The following INTS1 variants were observed in gnomAD, a reference collection of about 807,000 sequenced individuals.
INTS1 encodes the protein integrator complex subunit 1.
Under a neutral mutation model 241.6 loss-of-function variants are expected in INTS1, and 137 were observed. The observed-to-expected ratio is 0.57, with a 90% confidence interval of 0.49 to 0.65. INTS1 has a LOEUF of 0.65. Among genes scored for constraint, INTS1 ranks in the 30% least tolerant of loss-of-function variants. The pLI is 0.00. For synonymous variants in INTS1, 1,692 were observed against 1,337.8 expected, an observed-to-expected ratio of 1.26 and a Z score of -5.78; for missense variants, 3,073 against 3,032.2, an observed-to-expected ratio of 1.01 and a Z score of -0.32.
intron 33 of INTS1, 35 bp downstream of exon 33, chr7:1,478,331 C>T (rs751527951): frequency 1.0e-5 from 16 of 1,605,628 alleles, no homozygotes; most frequent in South Asian, 4.4e-5. Flanking sequence ...TTCCCAGGGC[C>T]GCCGTGGCCC....
intron 32 of INTS1, 23 bp from the exon 33 acceptor site, chr7:1,478,529 C>A (rs946736558): frequency 6.2e-7 from 1 of 1,603,226 alleles, no homozygotes; most frequent in Admixed American, 1.7e-5. Context: ...TGTGTGAGTG[C>A]CCTGTGGCTC....
In INTS1 at chr7:1,481,375, G is replaced by T; in HGVS notation, c.3817C>A (p.Pro1273Thr). The T allele has an allele frequency of 6.2e-7, 1 of 1,613,054 alleles. No homozygotes were observed. Among genetic ancestry groups the T allele is most frequent in the Non-Finnish European group, 8.5e-7 (1 of 1,179,784 alleles). ...QFLDQAVAHDPQTLEQNIMDK... is the reference protein window; with the variant it reads ...QFLDQAVAHDTQTLEQNIMDK... ...ATGATGTTCTGCTCCAGAGTCTGGG[G>T]GTCGTGGGCCACTGCCTGGTCCAGG... is the stretch of plus-strand genomic sequence containing the variant. Residue 1273 changes from proline (P) to threonine (T), a missense_variant, in exon 28 of 48, where the codon CCC becomes ACC. By Grantham distance (38) the Pro-to-Thr change is conservative. Transcript: ENST00000404767. This position sits in a 1 kb window ranked among gnomAD's most constrained non-coding sequence, Gnocchi z 6.8.
Position 1,475,957 on chromosome 7 carries a change from G to A in INTS1, c.5493C>T (p.Ser1831=), listed in dbSNP as rs780054575. 4.4e-5 allele frequency: 67 copies of A among 1,539,906 alleles called. No homozygotes were observed. The highest frequency in any genetic ancestry group is 9.8e-5 in the Admixed American group (5 of 50,926). Residue 1831 remains serine (S), a synonymous_variant, in exon 39 of 48, where the codon AGC becomes AGT. Transcript: ENST00000404767. ...LLHSEGAASS[S]VCKLDGLIHR... The stretch of plus-strand genomic sequence containing the variant: ...AGAGTTGCGCCCTCACCTTGCAGAC[G>A]CTGCTGCTGGCAGCCCCTTCGCTGT...
chr7:1,477,317 A>C (rs1781770243), intron 35 of INTS1, among the ~76,000 whole-genome samples: 1 of 148,012 alleles, frequency 6.8e-6, no homozygotes, highest in Non-Finnish European at 1.5e-5. Flanking sequence ...CCATCCCCAC[A>C]TCTGGCTGGT....
At chr7:1,473,393 C>T (rs1392741343) in intron 42 of INTS1, among the ~76,000 whole-genome samples, 173 bp downstream of exon 42, 1 of 152,128 alleles carries the variant, frequency 6.6e-6, no homozygotes, top group Non-Finnish European at 1.5e-5. Flanking sequence ...CAGACGGCTT[C>T]GGCACAGGGT....
chr7:1,500,287 G>A lies in INTS1; in HGVS notation c.429C>T (p.Cys143=), dbSNP rs753524445. Residue 143 remains cysteine, a synonymous_variant, in exon 4 of 48, where the codon TGC becomes TGT. Transcript: ENST00000404767. ...GNDDRIEGVL[C]GAVKQLKVTR... ...TGACCTTCAGCTGCTTCACGGCCCCGCACAGCACGCCCTCGATCCTGTCAT... is the reference window on the plus strand; with the variant it reads ...TGACCTTCAGCTGCTTCACGGCCCCACACAGCACGCCCTCGATCCTGTCAT... The A allele has an allele frequency of 6.3e-5, 101 of 1,595,276 alleles. No homozygotes were observed. The highest frequency in any genetic ancestry group is 4.0e-5 in the African/African-American group (3 of 74,548).
rs181892115 is a variant in INTS1 at position 1,481,947 on chromosome 7, C to A, written c.3704-459G>T. ...GGCACGGCGCAGTACACTTCCGAAG[C>A]TGCACGCAGGCTGCTGTGACTATCT... On this transcript the variant is annotated intron_variant, in intron 27 of 47. Transcript: ENST00000404767. The surrounding 1 kb of genome is among the most constrained non-coding windows in gnomAD (Gnocchi z 6.8). 2.0e-5 allele frequency among the ~76,000 whole-genome samples: 3 copies of A among 152,320 alleles called. No individual in the cohort carries two copies. In the East Asian group the frequency reaches 5.8e-4, roughly 29 times the overall value.
intron 25 of INTS1, 40 bp downstream of exon 25, chr7:1,483,963 C>A: frequency 6.3e-7 from 1 of 1,593,606 alleles, no homozygotes; most frequent in Non-Finnish European, 8.6e-7. Context: ...AGCCGTAGAC[C>A]TCCTCGCCCT....
chr7:1,483,427 A>G, intron 26 of INTS1: 1 of 442,172 alleles, frequency 2.3e-6, no homozygotes, highest in South Asian at 2.2e-5. Context: ...GCCGCCTCCC[A>G]GGCACCGCAG....
Sources: gnomAD v4.1 joint callset for allele counts (sites outside exome capture counted in the v4.1 genomes callset) on GRCh38, gnomAD v4.1.1 for gene constraint, Gnocchi (gnomAD v3.1) non-coding constraint, MANE v1.5 for transcripts, NCBI Gene and HGNC (gene_info 2026-07-23, HGNC 2026-07-21) for gene names.